Variants in ATXN1 observed in about 807,000 individuals in gnomAD.
The protein encoded by ATXN1 is ataxin 1.
Under a neutral mutation model 56.4 loss-of-function variants are expected in ATXN1, and 8 were observed. That is an observed-to-expected ratio of 0.14 (90% CI 0.08 to 0.26). The LOEUF is 0.26. Ranked by LOEUF, ATXN1 falls within the 10% of genes least tolerant of loss-of-function variation. ATXN1 has a pLI of 1.00. For synonymous variants in ATXN1, 514 were observed against 494.6 expected, an observed-to-expected ratio of 1.04 and a Z score of -0.52; for missense variants, 987 against 1,106.5, an observed-to-expected ratio of 0.89 and a Z score of 1.53.
At chr6:16,443,863 TC>T (rs773625439) in intron 6 of ATXN1, among the ~76,000 whole-genome samples, 112 of 152,264 alleles carry the variant, frequency 7.4e-4, no homozygotes, top group Non-Finnish European at 1.4e-3. Context: ...ATGCCTGTAA[TC>T]CCAGCACTTT....
At chr6:16,324,512 GTTTTA>G (rs1275493466) in intron 7 of ATXN1, among the ~76,000 whole-genome samples, 4 of 150,218 alleles carry the variant, frequency 2.7e-5, no homozygotes, top group South Asian at 2.1e-4. Flanking sequence ...TTTTTTTCTT[GTTTTA>G]TTTTATCTGA....
intron 3 of ATXN1, among the ~76,000 whole-genome samples, chr6:16,616,822 G>A (rs1053220793): frequency 8.6e-5 from 13 of 150,974 alleles, no homozygotes; most frequent in Admixed American, 2.0e-4. Context: ...CCATAGCCAC[G>A]GTTTTGCTTT....
chr6:16,328,219 G>A lies in ATXN1; in HGVS notation c.92C>T (p.Pro31Leu). The stretch of plus-strand genomic sequence containing the variant: ...CCGGTGGTTGTCGCTGGGCAGGGTA[G>A]GGGCCTTCTCCTCGGAGGACCGGCT... ...ATSRSSEEKA[P>L]TLPSDNHRVE... is the part of the protein sequence containing the mutation. Residue 31 changes from proline (P) to leucine (L), a missense_variant, in exon 7 of 8, where the codon CCT (proline) becomes CTT (leucine). Physicochemically the swap from Pro to Leu is moderately conservative, Grantham distance 98. This residue lies in a region of ATXN1 where 723 missense variants were observed against 791.7 expected (regional missense o/e 0.91). Coordinates refer to ENST00000436367, the MANE Select transcript of ATXN1 (RefSeq NM_001128164.2). The surrounding 1 kb of genome is among the most constrained non-coding windows in gnomAD (Gnocchi z 6.2). 2.5e-6 allele frequency: 4 copies of A among 1,590,800 alleles called. No individual in the cohort carries two copies. The highest frequency in any genetic ancestry group is 3.4e-6 in the Non-Finnish European group (4 of 1,166,110).
At chr6:16,527,480 C>T (rs957931026) in intron 4 of ATXN1, among the ~76,000 whole-genome samples, 13 of 152,074 alleles carry the variant, frequency 8.5e-5, no homozygotes, top group South Asian at 2.1e-4. Context: ...AAAATCCCAG[C>T]GAGATCAAAG....
chr6:16,638,150 A>C (rs760825628), intron 3 of ATXN1, among the ~76,000 whole-genome samples: 3 of 152,094 alleles, frequency 2.0e-5, no homozygotes, highest in Non-Finnish European at 4.4e-5. Flanking sequence ...GGTCTTTAAG[A>C]AAAGATCTCA....
intron 2 of ATXN1, among the ~76,000 whole-genome samples, chr6:16,686,722 C>T (rs1309446133): frequency 6.6e-6 from 1 of 152,104 alleles, no homozygotes; most frequent in Non-Finnish European, 1.5e-5. Context: ...TAAAGTCCTA[C>T]AAATATTTAA....
chr6:16,628,295 C>T (rs16878682), intron 3 of ATXN1, among the ~76,000 whole-genome samples: 22,561 of 152,138 alleles, frequency 0.15, 2,006 homozygotes, highest in East Asian at 0.34. Flanking sequence ...AAGGCCCAGC[C>T]GTGCCCGTCC....
chr6:16,659,291 A>AC (rs1581339587), intron 2 of ATXN1, among the ~76,000 whole-genome samples: 1 of 152,224 alleles, frequency 6.6e-6, no homozygotes, highest in African/African-American at 2.4e-5. Flanking sequence ...GCTCCCACTC[A>AC]AATGTGTAAG....
chr6:16,306,242 T>C lies in ATXN1; in HGVS notation c.*87A>G. 7.0e-7 allele frequency: 1 copy of C among 1,426,030 alleles called. No individual in the cohort carries two copies. Among genetic ancestry groups the C allele is most frequent in the Non-Finnish European group, 9.4e-7 (1 of 1,063,424 alleles). 88.3% of individuals were successfully genotyped at this position (1,426,030 alleles called of 1,614,324 possible). On this transcript the variant is annotated 3_prime_UTR_variant, in exon 8 of 8. Transcript: ENST00000436367. This position sits in a 1 kb window ranked among gnomAD's most constrained non-coding sequence, Gnocchi z 5.2. ...AACCTAAAATTAAGAAGATAACATG[T>C]AAATACTGTGTTATTTTAGCCTACA... is the stretch of plus-strand genomic sequence containing the variant.
chr6:16,511,585 C>T (rs989425112), intron 5 of ATXN1, among the ~76,000 whole-genome samples: 1 of 152,148 alleles, frequency 6.6e-6, no homozygotes, highest in Non-Finnish European at 1.5e-5. Flanking sequence ...TCAGAATCAA[C>T]CTAGCAACAA....
chr6:16,577,523 C>CAAA (rs61193572), intron 4 of ATXN1, among the ~76,000 whole-genome samples: 8 of 77,000 alleles, frequency 1.0e-4, no homozygotes, highest in African/African-American at 2.5e-4. Flanking sequence ...GACTCTGTCT[C>CAAA]AAAAAAAAAA....
In ATXN1 at chr6:16,327,660, CTGCTGCTGCTGCTGCTGA is replaced by C. The variant is rs772774194; in HGVS notation, c.633_650del (p.His211_Gln216del). On this transcript the variant is annotated inframe_deletion, in exon 7 of 8. Transcript: ENST00000436367. ...GCTGCTGCTGCTGCTGCTGCTGCTGCTGCTGCTGCTGCTGCTGATGCTGATGCTGCTGCTGCTGCTGCT... is the reference window on the plus strand; with the variant it reads ...GCTGCTGCTGCTGCTGCTGCTGCTGCTGCTGATGCTGCTGCTGCTGCTGCT... 3.9e-6 allele frequency: 6 copies of C among 1,554,342 alleles called. No homozygotes were observed. The highest frequency in any genetic ancestry group is 1.6e-5 in the African/African-American group (1 of 64,372).
At chr6:16,551,719 T>C (rs374000046) in intron 4 of ATXN1, among the ~76,000 whole-genome samples, 1 of 152,172 alleles carries the variant, frequency 6.6e-6, no homozygotes, top group African/African-American at 2.4e-5. Context: ...CTTTCCAAGA[T>C]GCAGATCTGT....
intron 5 of ATXN1, among the ~76,000 whole-genome samples, chr6:16,508,314 G>C (rs12200687): frequency 6.6e-6 from 1 of 152,136 alleles, no homozygotes; most frequent in Non-Finnish European, 1.5e-5. Flanking sequence ...GAAGAAAGCA[G>C]TATGTCTAAA....
At chr6:16,593,361 G>C (rs898626600) in intron 3 of ATXN1, among the ~76,000 whole-genome samples, 2 of 152,154 alleles carry the variant, frequency 1.3e-5, no homozygotes, top group Non-Finnish European at 2.9e-5. Context: ...TTAGGAAATA[G>C]AGATGGAAAA....
intron 6 of ATXN1, among the ~76,000 whole-genome samples, chr6:16,431,739 C>A (rs1418591671): frequency 6.6e-6 from 1 of 152,240 alleles, no homozygotes; most frequent in East Asian, 1.9e-4. Context: ...AAATCCAGAT[C>A]TCCACGATAT....
chr6:16,591,256 T>C (rs186015721), intron 3 of ATXN1, among the ~76,000 whole-genome samples: 51 of 152,320 alleles, frequency 3.3e-4, no homozygotes, highest in Middle Eastern at 3.4e-3. Context: ...AGTGCCCAGC[T>C]GTAACCTATT....
chr6:16,306,172 C>T lies in ATXN1; in HGVS notation c.*157G>A. 1 of 951,632 alleles carries T rather than the reference C, an allele frequency of 1.1e-6. No individual in the cohort carries two copies. Among genetic ancestry groups the T allele is most frequent in the South Asian group, 1.6e-5 (1 of 60,618 alleles). The allele number at this position is 951,632 out of a possible 1,614,324, so 58.9% of individuals were successfully genotyped here. A position where few individuals can be genotyped will look rare whatever the true frequency, so the allele number is the denominator to read the frequency against. Reference sequence around the variant, plus strand: ...GTGGAAAAAGCATATGCACCAGTCTCCTGCGACACACCTGCTGTAACTCTA... The same window carrying T: ...GTGGAAAAAGCATATGCACCAGTCTTCTGCGACACACCTGCTGTAACTCTA... On this transcript the variant is annotated 3_prime_UTR_variant, in exon 8 of 8. Transcript: ENST00000436367. The surrounding 1 kb of genome is among the most constrained non-coding windows in gnomAD (Gnocchi z 5.2).
intron 3 of ATXN1, among the ~76,000 whole-genome samples, chr6:16,611,132 C>A (rs1217433107): frequency 6.6e-6 from 1 of 152,102 alleles, no homozygotes; most frequent in Non-Finnish European, 1.5e-5. Context: ...AGAAAAGTTA[C>A]ATAATATTTA....
Sources: allele counts gnomAD v4.1 joint callset (sites outside exome capture counted in the v4.1 genomes callset), GRCh38; gene constraint gnomAD v4.1.1; regional missense constraint gnomAD v4.1.1; non-coding constraint Gnocchi (gnomAD v3.1); transcripts MANE v1.5; gene names NCBI Gene and HGNC (gene_info 2026-07-23, HGNC 2026-07-21).